The following PIAS1 variants were observed in gnomAD, a reference collection of about 807,000 sequenced individuals.
The protein encoded by PIAS1 is protein inhibitor of activated STAT 1, also known as E3 SUMO-protein ligase PIAS1.
PIAS1 carries 6 observed loss-of-function variants against 71.3 expected under a neutral mutation model. That is an observed-to-expected ratio of 0.08 (90% CI 0.05 to 0.17). The LOEUF (loss-of-function observed/expected upper bound fraction) is 0.17, where lower values mean the gene tolerates loss of function less well. PIAS1 is among the 10% of genes least tolerant of loss of function. The pLI, the probability that PIAS1 is intolerant of heterozygous loss-of-function variation, is 1.00. For missense variants in PIAS1, 555 were observed against 793.6 expected (o/e 0.70, Z 3.61); for synonymous variants, 303 against 292.9 (o/e 1.03, Z -0.35).
chr15:68,139,903 T>C (rs2092758834), intron 2 of PIAS1, among the ~76,000 whole-genome samples: 1 of 152,188 alleles, frequency 6.6e-6, no homozygotes, highest in African/African-American at 2.4e-5. Context: ...TGTAATTCTT[T>C]TTGTCCAGAA....
intron 1 of PIAS1, among the ~76,000 whole-genome samples, chr15:68,056,883 A>T (rs2140948701): frequency 6.6e-6 from 1 of 152,352 alleles, no homozygotes; most frequent in South Asian, 2.1e-4. Flanking sequence ...TAAATATCAT[A>T]CATTCCTAAT....
At chr15:68,160,104 A>C (rs2092914902) in intron 7 of PIAS1, among the ~76,000 whole-genome samples, 1 of 152,122 alleles carries the variant, frequency 6.6e-6, no homozygotes, top group African/African-American at 2.4e-5. Context: ...TGCCATTCTT[A>C]TAGCTTCTTT....
At chr15:68,128,852 G>A (rs527446921) in intron 2 of PIAS1, among the ~76,000 whole-genome samples, 2 of 152,058 alleles carry the variant, frequency 1.3e-5, no homozygotes, top group African/African-American at 4.8e-5. Flanking sequence ...AACTTGAGAA[G>A]CAGTCACAGA....
chr15:68,153,827 A>G lies in PIAS1; in HGVS notation c.934+132A>G, dbSNP rs146094184. On this transcript the variant is annotated intron_variant, in intron 7 of 13. Transcript: ENST00000249636. ...TTGTGTAGTTCTTAGAGTAGTTCTG[A>G]TATCTTTGTCATGAGCTATATTTTA... 454 of 555,098 alleles carry G rather than the reference A, an allele frequency of 8.2e-4. No homozygotes were observed. Among genetic ancestry groups the G allele is most frequent in the Non-Finnish European group, 8.3e-4 (260 of 313,004 alleles). 34.4% of individuals were successfully genotyped at this position (555,098 alleles called of 1,614,324 possible).
At chr15:68,139,260 A>C (rs561859160) in intron 2 of PIAS1, among the ~76,000 whole-genome samples, 1 of 152,162 alleles carries the variant, frequency 6.6e-6, no homozygotes, top group Non-Finnish European at 1.5e-5. Context: ...GTTGGGCTGC[A>C]AGCATTTTTA....
chr15:68,140,118 AG>A (rs1262957230), intron 2 of PIAS1, among the ~76,000 whole-genome samples: 9 of 152,184 alleles, frequency 5.9e-5, no homozygotes, highest in African/African-American at 2.2e-4. Context: ...ATGGAAGTGT[AG>A]GGGCTATTAT....
rs1288791340 is a variant in PIAS1, at chr15:68,186,347, T to C, written c.1663-1195T>C. Among the ~76,000 whole-genome samples, 1 of 152,202 alleles carries C rather than the reference T, an allele frequency of 6.6e-6. No individual in the cohort carries two copies. Among genetic ancestry groups the C allele is most frequent in the Non-Finnish European group, 1.5e-5 (1 of 68,038 alleles). Reference sequence around the variant, plus strand: ...CAAAAAAGTTAAAAAGTAAAAAATATTTTAAAATGTTAAAAATAGAGACTT... The same window carrying C: ...CAAAAAAGTTAAAAAGTAAAAAATACTTTAAAATGTTAAAAATAGAGACTT... On this transcript the variant is annotated intron_variant, in intron 13 of 13. Transcript: ENST00000249636. The surrounding 1 kb of genome is among the most constrained non-coding windows in gnomAD (Gnocchi z 4.4).
chr15:68,092,666 A>G (rs2092342902), intron 2 of PIAS1, among the ~76,000 whole-genome samples: 2 of 152,140 alleles, frequency 1.3e-5, no homozygotes, highest in Admixed American at 1.3e-4. Flanking sequence ...GCCCTTATGG[A>G]TGAGATTAAT....
At chr15:68,062,328 T>A (rs2091968827) in intron 1 of PIAS1, among the ~76,000 whole-genome samples, 1 of 152,184 alleles carries the variant, frequency 6.6e-6, no homozygotes, top group Non-Finnish European at 1.5e-5. Context: ...TGTGTATTCT[T>A]ATTTGGGTGG....
At chr15:68,145,081 A>G (rs1405732990) in intron 4 of PIAS1, among the ~76,000 whole-genome samples, 1 of 152,180 alleles carries the variant, frequency 6.6e-6, no homozygotes, top group African/African-American at 2.4e-5. Context: ...TGCCTTAAAT[A>G]GCAAAATAGT....
At chr15:68,152,377 G>A (rs914926429) in intron 6 of PIAS1, among the ~76,000 whole-genome samples, 6 of 151,994 alleles carry the variant, frequency 3.9e-5, no homozygotes, top group African/African-American at 9.7e-5. Flanking sequence ...ATAGCTTTCC[G>A]AACTTTAAAT....
chr15:68,126,789 A>G (rs2092653836), intron 2 of PIAS1, among the ~76,000 whole-genome samples: 1 of 149,766 alleles, frequency 6.7e-6, no homozygotes, highest in Admixed American at 6.6e-5. Context: ...GCCTTTGGAA[A>G]TTTATCTAAT....
At chr15:68,092,585 G>A (rs927040544) in intron 2 of PIAS1, among the ~76,000 whole-genome samples, 1 of 152,158 alleles carries the variant, frequency 6.6e-6, no homozygotes, top group Non-Finnish European at 1.5e-5. Context: ...TTCAAATGTT[G>A]AAACCTAATT....
chr15:68,054,469 G>C lies in PIAS1; in HGVS notation c.24+119G>C. 1.8e-6 allele frequency: 2 copies of C among 1,110,636 alleles called. No homozygotes were observed. Among genetic ancestry groups the C allele is most frequent in the Non-Finnish European group, 2.6e-6 (2 of 768,298 alleles). The allele number at this position is 1,110,636 out of a possible 1,614,324, so 68.8% of individuals were successfully genotyped here. A position where few individuals can be genotyped will look rare whatever the true frequency, so the allele number is the denominator to read the frequency against. On this transcript the variant is annotated intron_variant, in intron 1 of 13. Transcript: ENST00000249636. The surrounding 1 kb of genome is among the most constrained non-coding windows in gnomAD (Gnocchi z 4.6). ...GGGCCTGACTCCACCCGGGCCTGGA[G>C]TTGTAGGGAGAGAGGCGCGCCCGGT...
At chr15:68,134,782 T>C (rs61537059) in intron 2 of PIAS1, among the ~76,000 whole-genome samples, 3 of 34,540 alleles carry the variant, frequency 8.7e-5, no homozygotes, top group East Asian at 8.5e-4. Flanking sequence ...CACTTCCCAG[T>C]AGGGGCGGCT....
chr15:68,054,992 G>A lies in PIAS1; in HGVS notation c.24+642G>A, dbSNP rs2091880488. ...GGGAGAAGCTCTGGTAAAGTTTAGCGAGCCCCGGGCCGGCGTTGGGGTTCG... is the reference window on the plus strand; with the variant it reads ...GGGAGAAGCTCTGGTAAAGTTTAGCAAGCCCCGGGCCGGCGTTGGGGTTCG... On this transcript the variant is annotated intron_variant, in intron 1 of 13. Coordinates refer to ENST00000249636, the MANE Select transcript of PIAS1 (RefSeq NM_016166.3). This position sits in a 1 kb window ranked among gnomAD's most constrained non-coding sequence, Gnocchi z 4.6. The A allele has an allele frequency of 6.5e-6, 1 of 153,090 alleles. No homozygotes were observed. The highest frequency in any genetic ancestry group is 2.4e-5 in the African/African-American group (1 of 41,466). The allele number at this position is 153,090 out of a possible 1,614,324, so 9.5% of individuals were successfully genotyped here.
At chr15:68,091,549 A>G (rs1302893017) in intron 2 of PIAS1, among the ~76,000 whole-genome samples, 1 of 152,142 alleles carries the variant, frequency 6.6e-6, no homozygotes, top group Non-Finnish European at 1.5e-5. Flanking sequence ...GTGCTTTTAA[A>G]TATTTTTAAT....
chr15:68,179,366 G>T (rs943715903), intron 11 of PIAS1, among the ~76,000 whole-genome samples: 19 of 152,032 alleles, frequency 1.2e-4, no homozygotes, highest in Admixed American at 4.6e-4. Context: ...CTTAGACATT[G>T]TGAGAAGACT....
intron 2 of PIAS1, among the ~76,000 whole-genome samples, chr15:68,099,823 A>C (rs915074732): frequency 6.6e-6 from 1 of 151,980 alleles, no homozygotes; most frequent in Non-Finnish European, 1.5e-5. Flanking sequence ...TAGATGTTTA[A>C]GTATGTATGT....
Sources: allele counts gnomAD v4.1 joint callset (sites outside exome capture counted in the v4.1 genomes callset), GRCh38; gene constraint gnomAD v4.1.1; non-coding constraint Gnocchi (gnomAD v3.1); transcripts MANE v1.5; gene names NCBI Gene and HGNC (gene_info 2026-07-23, HGNC 2026-07-21).